Variants in DLG2 observed in about 807,000 individuals in gnomAD.
The protein encoded by DLG2 is discs large MAGUK scaffold protein 2, also known as disks large homolog 2.
DLG2 carries 45 observed loss-of-function variants against 132.5 expected under a neutral mutation model. The observed-to-expected ratio is 0.34, with a 90% CI of 0.27 to 0.44. The LOEUF (loss-of-function observed/expected upper bound fraction) is 0.44. Among genes scored for constraint, DLG2 ranks in the 20% least tolerant of loss-of-function variants. DLG2 has a pLI of 1.00. For missense variants in DLG2, 1,045 were observed against 1,196.9 expected (o/e 0.87, Z 1.87); for synonymous variants, 424 against 419.6 (o/e 1.01, Z -0.13).
chr11:84,194,494 C>T (rs934716208), intron 8 of DLG2, among the ~76,000 whole-genome samples: 6 of 152,156 alleles, frequency 3.9e-5, no homozygotes, highest in South Asian at 4.1e-4. Flanking sequence ...AACAAAGACC[C>T]GAGTGGCTTG....
At chr11:85,223,995 C>T (rs1036020259) in intron 4 of DLG2, among the ~76,000 whole-genome samples, 12 of 152,104 alleles carry the variant, frequency 7.9e-5, no homozygotes, top group Admixed American at 2.6e-4. Context: ...AAAAGGTGAC[C>T]TTGGTAAATT....
At chr11:83,667,271 T>C (rs970337366) in intron 18 of DLG2, among the ~76,000 whole-genome samples, 13 of 152,224 alleles carry the variant, frequency 8.5e-5, no homozygotes, top group African/African-American at 2.9e-4. Flanking sequence ...ATGGACTTAT[T>C]ACCATTTAAT....
chr11:84,933,609 T>C (rs973371893), intron 6 of DLG2, among the ~76,000 whole-genome samples: 3 of 152,188 alleles, frequency 2.0e-5, no homozygotes, highest in Non-Finnish European at 2.9e-5. Flanking sequence ...AGGTATTTTA[T>C]TCTTTTGGTG....
intron 3 of DLG2, among the ~76,000 whole-genome samples, chr11:85,421,651 C>A (rs190185088): frequency 1.3e-5 from 2 of 152,098 alleles, no homozygotes; most frequent in African/African-American, 4.8e-5. Context: ...GGATTTAGGT[C>A]ATTTACATTC....
chr11:85,037,436 T>G (rs192923133), intron 6 of DLG2, among the ~76,000 whole-genome samples: 1 of 152,182 alleles, frequency 6.6e-6, no homozygotes, highest in Non-Finnish European at 1.5e-5. Flanking sequence ...GTATGAAAAC[T>G]GACTTAAATT....
At chr11:84,238,476 C>T (rs1390044567) in intron 8 of DLG2, among the ~76,000 whole-genome samples, 1 of 151,436 alleles carries the variant, frequency 6.6e-6, no homozygotes, top group East Asian at 1.9e-4. Context: ...GCCCTGATGG[C>T]ACCACTGCAC....
At chr11:84,208,408 A>C (rs989754184) in intron 8 of DLG2, among the ~76,000 whole-genome samples, 1 of 150,402 alleles carries the variant, frequency 6.6e-6, no homozygotes, top group Admixed American at 6.7e-5. Context: ...CAGTGGTGCA[A>C]TCTCAGCCTA....
At chr11:85,615,348 T>G (rs2081266550) in intron 2 of DLG2, among the ~76,000 whole-genome samples, 1 of 152,048 alleles carries the variant, frequency 6.6e-6, no homozygotes, top group Non-Finnish European at 1.5e-5. Context: ...CGAAACCCCA[T>G]CTCTACTAAA....
intron 6 of DLG2, among the ~76,000 whole-genome samples, chr11:85,099,262 G>A (rs1016777423): frequency 8.5e-5 from 13 of 152,176 alleles, no homozygotes; most frequent in African/African-American, 2.4e-4. Context: ...AACAGCTTTC[G>A]CTGCGTGGAC....
intron 11 of DLG2, among the ~76,000 whole-genome samples, chr11:84,020,497 A>C (rs11233881): frequency 0.67 from 101,197 of 152,006 alleles, 36,478 homozygotes; most frequent in Non-Finnish European, 0.81. Context: ...AGAAAGAGAA[A>C]ATGTACTCTT....
chr11:84,728,023 A>G (rs1565798939), intron 6 of DLG2, among the ~76,000 whole-genome samples: 1 of 152,168 alleles, frequency 6.6e-6, no homozygotes, highest in Non-Finnish European at 1.5e-5. Flanking sequence ...TAAATATACA[A>G]TCATGTAATC....
chr11:83,847,490 C>T (rs563672244), intron 16 of DLG2, among the ~76,000 whole-genome samples: 1 of 152,202 alleles, frequency 6.6e-6, no homozygotes, highest in Admixed American at 6.5e-5. Context: ...TAATTGGGTT[C>T]AAGTATTTCA....
chr11:83,600,078 G>C (rs2058276590), intron 19 of DLG2, among the ~76,000 whole-genome samples: 1 of 152,146 alleles, frequency 6.6e-6, no homozygotes, highest in Non-Finnish European at 1.5e-5. Context: ...TTCTGGGCCA[G>C]AAACTGAGAA....
intron 6 of DLG2, among the ~76,000 whole-genome samples, chr11:84,673,977 G>T (rs1171720867): frequency 5.3e-5 from 8 of 152,094 alleles, no homozygotes; most frequent in Non-Finnish European, 2.9e-5. Context: ...ATTAACTTTG[G>T]CCTTAGGCCC....
At chr11:83,747,314 TCCTTCCTTCCTTCCTGCCTTCCTTCCTG>T (rs1481594601) in intron 18 of DLG2, among the ~76,000 whole-genome samples, 4 of 143,868 alleles carry the variant, frequency 2.8e-5, no homozygotes, top group Non-Finnish European at 6.2e-5. Context: ...CTTCCTTCCT[TCCTTCCTTCCTTCCTGCCTTCCTTCCTG>T]CCTTCCTTCC....
At chr11:85,099,205 G>A (rs1025592498) in intron 6 of DLG2, among the ~76,000 whole-genome samples, 2 of 152,224 alleles carry the variant, frequency 1.3e-5, no homozygotes, top group Non-Finnish European at 2.9e-5. Context: ...GTCCTGCTTT[G>A]TATTGGTAGT....
intron 8 of DLG2, among the ~76,000 whole-genome samples, chr11:84,194,480 A>G (rs2096476764): frequency 6.6e-6 from 1 of 152,174 alleles, no homozygotes; most frequent in Non-Finnish European, 1.5e-5. Flanking sequence ...GCAAACAGTG[A>G]AAGAACAAAG....
In DLG2 at chr11:83,455,956, G is replaced by T. The variant is rs145791133; in HGVS notation, c.*3862C>A. 4.6e-5 allele frequency: 7 copies of T among 152,648 alleles called. No individual in the cohort carries two copies. Among genetic ancestry groups the T allele is most frequent in the African/African-American group, 1.7e-4 (7 of 41,552 alleles). 9.5% of individuals were successfully genotyped at this position (152,648 alleles called of 1,614,324 possible). On this transcript the variant is annotated 3_prime_UTR_variant, in exon 28 of 28. Coordinates refer to ENST00000376104, the MANE Select transcript of DLG2 (RefSeq NM_001142699.3). ...GGCAGGACCAAGACAGGAAAGAAGA[G>T]ATTTCATTTCACCAGCAAGTCCATT...
intron 7 of DLG2, among the ~76,000 whole-genome samples, chr11:84,414,199 TA>T (rs1335308806): frequency 6.6e-6 from 1 of 151,108 alleles, no homozygotes; most frequent in African/African-American, 2.5e-5. Flanking sequence ...TTGTGAAGAT[TA>T]AATAAGTGAG....
Sources: allele counts gnomAD v4.1 joint callset (sites outside exome capture counted in the v4.1 genomes callset), GRCh38; gene constraint gnomAD v4.1.1; transcripts MANE v1.5; gene names NCBI Gene and HGNC (gene_info 2026-07-23, HGNC 2026-07-21).